CNBD1: variants seen among roughly 807,000 people sequenced by gnomAD.
CNBD1 encodes the protein cyclic nucleotide binding domain containing 1, also known as cyclic nucleotide-binding domain-containing protein 1.
A neutral mutation model predicts 54.4 loss-of-function variants in CNBD1; 71 were observed. The observed-to-expected ratio is 1.30, with a 90% CI of 1.08 to 1.59. The LOEUF (loss-of-function observed/expected upper bound fraction) is 1.59. Ranked by LOEUF, CNBD1 falls within the 40% of genes most tolerant of loss-of-function variation. The pLI, the probability that CNBD1 is intolerant of heterozygous loss-of-function variation, is 0.00. For missense variants in CNBD1, 659 were observed against 518.0 expected (o/e 1.27, Z -2.64); for synonymous variants, 182 against 170.7 (o/e 1.07, Z -0.51).
At chr8:87,264,576 T>C (rs1808209741) in intron 6 of CNBD1, among the ~76,000 whole-genome samples, 1 of 152,170 alleles carries the variant, frequency 6.6e-6, no homozygotes, top group African/African-American at 2.4e-5. Context: ...ATCACCACAC[T>C]GTCTTCCACA....
At chr8:87,425,265 A>T (rs1808024675) in intron 2 of CNBD1, among the ~76,000 whole-genome samples, 1 of 151,918 alleles carries the variant, frequency 6.6e-6, no homozygotes, top group Non-Finnish European at 1.5e-5. Context: ...CTTTGGTTTG[A>T]ATGTCCTCCC....
At chr8:87,214,375 T>G (rs1181494775) in intron 5 of CNBD1, among the ~76,000 whole-genome samples, 1 of 152,080 alleles carries the variant, frequency 6.6e-6, no homozygotes, top group Non-Finnish European at 1.5e-5. Flanking sequence ...TTTTCTCCAG[T>G]TCCCAACAAG....
chr8:86,870,988 G>A (rs1049143356), intron 1 of CNBD1, among the ~76,000 whole-genome samples: 2 of 152,040 alleles, frequency 1.3e-5, no homozygotes, highest in Non-Finnish European at 2.9e-5. Flanking sequence ...TAATTTTTTA[G>A]GATAAAAGTC....
chr8:87,322,643 A>T (rs1809563173), intron 8 of CNBD1, among the ~76,000 whole-genome samples: 2 of 85,222 alleles, frequency 2.3e-5, no homozygotes, highest in East Asian at 5.3e-4. Context: ...CCACTTTTTG[A>T]TGGGGTTGTT....
chr8:86,942,962 C>T (rs555921106), intron 4 of CNBD1, among the ~76,000 whole-genome samples: 16 of 151,880 alleles, frequency 1.1e-4, no homozygotes, highest in Non-Finnish European at 1.9e-4. Flanking sequence ...ATCAGATTGA[C>T]GGGCTGTTTA....
At chr8:87,196,893 G>T (rs1813734186) in intron 4 of CNBD1, among the ~76,000 whole-genome samples, 1 of 151,656 alleles carries the variant, frequency 6.6e-6, no homozygotes, top group Non-Finnish European at 1.5e-5. Flanking sequence ...TAGATAGAAA[G>T]GTGAATTAAT....
intron 4 of CNBD1, among the ~76,000 whole-genome samples, chr8:86,953,077 T>C (rs1807667748): frequency 6.6e-6 from 1 of 152,250 alleles, no homozygotes; most frequent in Non-Finnish European, 1.5e-5. Context: ...TTATTCCTTT[T>C]TCTTTCTGAA....
At chr8:87,158,375 T>C (rs1173420019) in intron 4 of CNBD1, among the ~76,000 whole-genome samples, 1 of 152,208 alleles carries the variant, frequency 6.6e-6, no homozygotes, top group African/African-American at 2.4e-5. Flanking sequence ...TAAATGTTTT[T>C]GATGAAATTG....
At chr8:87,310,162 C>T (rs1809234954) in intron 8 of CNBD1, among the ~76,000 whole-genome samples, 1 of 151,942 alleles carries the variant, frequency 6.6e-6, no homozygotes, top group African/African-American at 2.4e-5. Flanking sequence ...TATGACCAGT[C>T]CTGGCAACAT....
intron 4 of CNBD1, among the ~76,000 whole-genome samples, chr8:87,084,278 C>A (rs1475935967): frequency 6.6e-6 from 1 of 152,150 alleles, no homozygotes; most frequent in Admixed American, 6.5e-5. Context: ...TCCCAGAACT[C>A]TTCATTTCTT....
chr8:87,164,817 T>C (rs1033458563), intron 4 of CNBD1, among the ~76,000 whole-genome samples: 1 of 151,882 alleles, frequency 6.6e-6, no homozygotes, highest in African/African-American at 2.4e-5. Context: ...TTCCTTCTGC[T>C]AACTTTGGGC....
intron 4 of CNBD1, among the ~76,000 whole-genome samples, chr8:87,069,802 A>G (rs1810724508): frequency 6.6e-6 from 1 of 152,094 alleles, no homozygotes; most frequent in South Asian, 2.1e-4. Flanking sequence ...ATGGGCATAT[A>G]ATACATTTAC....
intron 6 of CNBD1, among the ~76,000 whole-genome samples, chr8:87,242,211 A>T (rs965435721): frequency 2.0e-5 from 3 of 152,186 alleles, no homozygotes; most frequent in Non-Finnish European, 4.4e-5. Context: ...TATTTCTTTG[A>T]CATATTTTGA....
At chr8:87,094,282 C>T (rs1321530017) in intron 4 of CNBD1, among the ~76,000 whole-genome samples, 3 of 152,012 alleles carry the variant, frequency 2.0e-5, no homozygotes, top group Non-Finnish European at 2.9e-5. Context: ...ATTGGCATAG[C>T]TTGGGCCCCA....
chr8:87,145,771 A>T (rs1159781726), intron 4 of CNBD1, among the ~76,000 whole-genome samples: 1 of 152,102 alleles, frequency 6.6e-6, no homozygotes, highest in African/African-American at 2.4e-5. Flanking sequence ...AGGGTTGAGG[A>T]TTTCTGGGTT....
intron 8 of CNBD1, among the ~76,000 whole-genome samples, chr8:87,290,598 G>A (rs190120331): frequency 4.6e-4 from 70 of 152,180 alleles, no homozygotes; most frequent in Admixed American, 1.0e-3. Flanking sequence ...TACTATCTGG[G>A]GATGCTTGTT....
chr8:87,149,148 A>G (rs1459295018), intron 4 of CNBD1, among the ~76,000 whole-genome samples: 1 of 152,190 alleles, frequency 6.6e-6, no homozygotes, highest in Non-Finnish European at 1.5e-5. Flanking sequence ...CGTAGGTAGG[A>G]TATGTTATTT....
At chr8:87,147,667 T>C (rs1713923801) in intron 4 of CNBD1, among the ~76,000 whole-genome samples, 1 of 152,178 alleles carries the variant, frequency 6.6e-6, no homozygotes, top group Admixed American at 6.5e-5. Flanking sequence ...TATTTCTGTC[T>C]AGTCCAAAGT....
chr8:87,283,580 T>G (rs1808637132), intron 6 of CNBD1, among the ~76,000 whole-genome samples: 1 of 152,176 alleles, frequency 6.6e-6, no homozygotes, highest in Admixed American at 6.6e-5. Flanking sequence ...GTGTATGCTC[T>G]GTACTCATTC....
Sources: allele counts gnomAD v4.1 joint callset (sites outside exome capture counted in the v4.1 genomes callset), GRCh38; gene constraint gnomAD v4.1.1; transcripts MANE v1.5; gene names NCBI Gene and HGNC (gene_info 2026-07-23, HGNC 2026-07-21).